The following DNAH3 variants were observed in gnomAD, a reference collection of about 807,000 sequenced individuals.
DNAH3 encodes the protein axonemal beta dynein heavy chain 3.
DNAH3 carries 332 observed loss-of-function variants against 432.5 expected under a neutral mutation model. The ratio of observed to expected loss-of-function variants is 0.77; its 90% confidence interval spans 0.70 to 0.84. The LOEUF (loss-of-function observed/expected upper bound fraction) is 0.84. DNAH3 is among the 40% of genes least tolerant of loss of function. DNAH3 has a pLI of 0.00. For synonymous variants in DNAH3, 1,956 were observed against 1,900.2 expected (o/e 1.03, Z -0.76); for missense variants, 4,861 against 5,114.0 (o/e 0.95, Z 1.51).
chr16:21,111,478 G>C, intron 14 of DNAH3, 148 bp downstream of exon 14: 1 of 749,432 alleles, frequency 1.3e-6, no homozygotes, highest in Non-Finnish European at 2.1e-6. Flanking sequence ...GCCTGAACCT[G>C]AATTCCTCAC....
At chr16:21,153,575 C>T (rs1016275794) in intron 1 of DNAH3, among the ~76,000 whole-genome samples, 4 of 152,178 alleles carry the variant, frequency 2.6e-5, no homozygotes, top group East Asian at 1.9e-4. Flanking sequence ...CCTTCTACAA[C>T]GTGGAAGGTT....
At chr16:21,136,629 C>T in intron 5 of DNAH3, 116 bp from the exon 7 acceptor site, 2 of 937,164 alleles carry the variant, frequency 2.1e-6, no homozygotes, top group Non-Finnish European at 3.4e-6. Flanking sequence ...GCACCCTTCA[C>T]TTGCCATAAC....
At chr16:21,144,717 C>T (rs148612703) in intron 3 of DNAH3, among the ~76,000 whole-genome samples, 49 of 152,240 alleles carry the variant, frequency 3.2e-4, no homozygotes, top group Non-Finnish European at 6.0e-4. Context: ...TAAATGTTAG[C>T]CGTTTGCAAT....
intron 1 of DNAH3, among the ~76,000 whole-genome samples, chr16:21,152,764 T>C (rs1479852599): frequency 6.6e-6 from 1 of 152,210 alleles, no homozygotes; most frequent in Non-Finnish European, 1.5e-5. Flanking sequence ...GAGGGTGTAC[T>C]GGGTCCCCCA....
intron 48 of DNAH3, chr16:20,985,051 AG>A: frequency 4.4e-6 from 7 of 1,595,942 alleles, no homozygotes; most frequent in Non-Finnish European, 5.1e-6. Context: ...CTTCTTACCG[AG>A]GACAATGTGA....
rs752437227 is a variant in DNAH3, at chr16:20,974,579, G to GTTTTTTTT, written c.8259+646_8259+653dup. On this transcript the variant is annotated intron_variant, in intron 51 of 61. Transcript: ENST00000261383. ...CCACTACACCTGGCTGTTTTATAGT[G>GTTTTTTTT]TTTTTTTTTTTTTTTTTTTTTTGTA... is the stretch of plus-strand genomic sequence containing the variant. 6.0e-4 allele frequency among the ~76,000 whole-genome samples: 49 copies of GTTTTTTTT among 81,842 alleles called. 1 individual carries two copies. Among genetic ancestry groups the GTTTTTTTT allele is most frequent in the East Asian group, 3.0e-3 (7 of 2,320 alleles). 53.7% of individuals were successfully genotyped at this position (81,842 alleles called of 152,430 possible). A position where few individuals can be genotyped will look rare whatever the true frequency, so the allele number is the denominator to read the frequency against.
At chr16:21,127,199 G>C (rs905767395) in intron 8 of DNAH3, among the ~76,000 whole-genome samples, 2 of 151,822 alleles carry the variant, frequency 1.3e-5, no homozygotes, top group African/African-American at 4.8e-5. Context: ...GGTGATAGGG[G>C]AATTTCAAGA....
At chr16:21,147,753 A>G (rs2092803497) in intron 1 of DNAH3, among the ~76,000 whole-genome samples, 1 of 152,192 alleles carries the variant, frequency 6.6e-6, no homozygotes, top group Non-Finnish European at 1.5e-5. Flanking sequence ...CTCAGATTCC[A>G]AGTGACCCTC....
chr16:21,110,244 A>G (rs1180816220), intron 14 of DNAH3, among the ~76,000 whole-genome samples: 1 of 152,140 alleles, frequency 6.6e-6, no homozygotes, highest in Admixed American at 6.6e-5. Context: ...CTTTCAGCTC[A>G]TGTGGTTTAG....
exon 55 of DNAH3, chr16:20,955,015 G>A: frequency 6.2e-7 from 1 of 1,613,406 alleles, no homozygotes; most frequent in South Asian, 1.1e-5. Flanking sequence ...TCTGGAGAAT[G>A]CTGACTGGAA....
intron 3 of DNAH3, among the ~76,000 whole-genome samples, chr16:21,144,372 C>G (rs548876120): frequency 6.6e-6 from 1 of 152,236 alleles, no homozygotes; most frequent in South Asian, 2.1e-4. Context: ...AGCCAGAAGC[C>G]ATGTTGTGAG....
chr16:20,941,796 G>A (rs111518335), intron 58 of DNAH3, among the ~76,000 whole-genome samples: 8 of 152,268 alleles, frequency 5.3e-5, no homozygotes, highest in South Asian at 2.1e-4. Flanking sequence ...GGTGGCTCAC[G>A]CCTGTAATCC....
rs563885637 is a variant in DNAH3 at position 21,141,433 on chromosome 16, C to T, written c.449-61G>A. On this transcript the variant is annotated intron_variant, in intron 3 of 61. Transcript: ENST00000261383. ...CAATGGCCTTGGGCCATTCTCCGTCCACAGGGGCATGACTCTCGGAACAGT... is the reference window on the plus strand; with the variant it reads ...CAATGGCCTTGGGCCATTCTCCGTCTACAGGGGCATGACTCTCGGAACAGT... The T allele has an allele frequency of 1.0e-5, 13 of 1,247,780 alleles. No individual in the cohort carries two copies. In the African/African-American group the frequency reaches 1.8e-4, roughly 17 times the overall value. The allele number at this position is 1,247,780 out of a possible 1,614,324, so 77.3% of individuals were successfully genotyped here.
At chr16:21,033,332 G>C (rs1428788551) in intron 36 of DNAH3, among the ~76,000 whole-genome samples, 1 of 152,144 alleles carries the variant, frequency 6.6e-6, no homozygotes, top group Non-Finnish European at 1.5e-5. Context: ...AAACAAAACA[G>C]ACACACACAC....
At position 20,980,241 on chromosome 16, in the gene DNAH3, A is replaced by ATAT. The variant is rs1555516993; in HGVS notation, c.7860-698_7860-696dup. On this transcript the variant is annotated intron_variant, in intron 49 of 61. Transcript: ENST00000261383. Reference sequence around the variant, plus strand: ...TTTATATTATTTATTTATATTATATATATAATATACATCATATATTATATT... The same window carrying ATAT: ...TTTATATTATTTATTTATATTATATATATTATAATATACATCATATATTATATT... Among the ~76,000 whole-genome samples, 272 of 97,820 alleles carry ATAT rather than the reference A, an allele frequency of 2.8e-3. 2 individuals carry two copies. The highest frequency in any genetic ancestry group is 7.9e-3 in the African/African-American group (247 of 31,452). 64.2% of individuals were successfully genotyped at this position (97,820 alleles called of 152,430 possible). A position where few individuals can be genotyped will look rare whatever the true frequency, so the allele number is the denominator to read the frequency against.
chr16:21,121,945 C>T, exon 10 of DNAH3: 1 of 1,606,608 alleles, frequency 6.2e-7, no homozygotes, highest in Non-Finnish European at 8.5e-7. Context: ...ACTACTATAC[C>T]TTGGGGATCC....
chr16:20,965,016 G>A (rs953574944), exon 53 of DNAH3: 1 of 1,614,102 alleles, frequency 6.2e-7, no homozygotes, highest in Non-Finnish European at 8.5e-7. Context: ...AGATTTCAAT[G>A]TTTTCCTCCA....
intron 5 of DNAH3, 119 bp from the exon 7 acceptor site, chr16:21,136,632 G>C: frequency 1.1e-6 from 1 of 918,380 alleles, no homozygotes; most frequent in Non-Finnish European, 1.7e-6. Context: ...CCCTTCACTT[G>C]CCATAACCAT....
exon 43 of DNAH3, chr16:21,000,458 A>C: frequency 6.2e-7 from 1 of 1,613,922 alleles, no homozygotes; most frequent in Non-Finnish European, 8.5e-7. Flanking sequence ...TGGTCTAAGT[A>C]GGTTTTCAAG....
Sources: allele counts gnomAD v4.1 joint callset (sites outside exome capture counted in the v4.1 genomes callset), GRCh38; gene constraint gnomAD v4.1.1; transcripts MANE v1.5; gene names NCBI Gene and HGNC (gene_info 2026-07-23, HGNC 2026-07-21).